The following SSBP3 variants were observed in gnomAD, a reference collection of about 807,000 sequenced individuals.
SSBP3 encodes single stranded DNA binding protein 3, also known as single-stranded DNA-binding protein 3.
Under a neutral mutation model 69.6 loss-of-function variants are expected in SSBP3, and 5 were observed. That is an observed-to-expected ratio of 0.07 (90% CI 0.04 to 0.15). The LOEUF is 0.15. Among genes scored for constraint, SSBP3 ranks in the 10% least tolerant of loss-of-function variants. The pLI, the probability that SSBP3 is intolerant of heterozygous loss-of-function variation, is 1.00. For synonymous variants in SSBP3, 196 were observed against 193.4 expected (o/e 1.01, Z -0.11); for missense variants, 312 against 534.0 (o/e 0.58, Z 4.10).
chr1:54,411,424 G>A (rs1349597484), intron 1 of SSBP3, among the ~76,000 whole-genome samples: 1 of 151,108 alleles, frequency 6.6e-6, no homozygotes, highest in African/African-American at 2.4e-5. Flanking sequence ...GTTGCAGTGA[G>A]CCGAGCTCGC....
intron 4 of SSBP3, among the ~76,000 whole-genome samples, chr1:54,317,864 C>A (rs1646142151): frequency 6.6e-6 from 1 of 152,140 alleles, no homozygotes; most frequent in South Asian, 2.1e-4. Context: ...CTCCTGGGTT[C>A]GAGTGATTCT....
chr1:54,252,508 A>C (rs2100716470), intron 7 of SSBP3, among the ~76,000 whole-genome samples: 1 of 151,564 alleles, frequency 6.6e-6, no homozygotes, highest in East Asian at 1.9e-4. Flanking sequence ...AATGCCACCC[A>C]GCCCCGGGGC....
rs537990265 is a variant in SSBP3 at position 54,370,216 on chromosome 1, A to G, written c.276+31645T>C. Among the ~76,000 whole-genome samples the G allele has an allele frequency of 4.5e-4, 68 of 152,246 alleles. No homozygotes were observed. The South Asian group carries it at 0.012, about 26-fold the overall frequency. ...CTGTCAAGCAGGTACAGGGCTTCCA[A>G]ATGGAATTCATTTACCGTCTGCATC... On this transcript the variant is annotated intron_variant, in intron 4 of 17. Coordinates refer to ENST00000610401, the Ensembl canonical transcript of SSBP3.
At chr1:54,326,422 T>C (rs545522190) in intron 4 of SSBP3, 27 of 152,502 alleles carry the variant, frequency 1.8e-4, no homozygotes, top group African/African-American at 6.3e-4. Flanking sequence ...TGGTTTGGTA[T>C]CTCCTCCAAC....
chr1:54,331,957 G>GCTCC (rs1190623588), intron 4 of SSBP3, among the ~76,000 whole-genome samples: 1 of 152,186 alleles, frequency 6.6e-6, no homozygotes, highest in East Asian at 1.9e-4. Context: ...TGTGGCTCTT[G>GCTCC]CTCCCTTTCA....
chr1:54,409,701 C>T (rs1054445507), upstream of SSBP3, among the ~76,000 whole-genome samples: 5 of 152,220 alleles, frequency 3.3e-5, no homozygotes, highest in Admixed American at 3.3e-4. Context: ...TCCACCCTGA[C>T]TCATATTCTC....
chr1:54,331,663 G>A lies in SSBP3; in HGVS notation c.277-50136C>T, dbSNP rs190363616. The stretch of plus-strand genomic sequence containing the variant: ...CTGCCCTGCAACACGCTGGTCAGCT[G>A]GAGAAGCCTGCTGCTCACACACTCA... On this transcript the variant is annotated intron_variant, in intron 4 of 17. Coordinates refer to ENST00000610401, the Ensembl canonical transcript of SSBP3. Among the ~76,000 whole-genome samples, 17 of 152,314 alleles carry A rather than the reference G, an allele frequency of 1.1e-4. No individual in the cohort carries two copies. In the East Asian group the frequency reaches 3.3e-3, roughly 29 times the overall value.
chr1:54,228,300 G>A (rs151171870), exon 17 of SSBP3: 7 of 1,613,972 alleles, frequency 4.3e-6, no homozygotes, highest in East Asian at 2.2e-5. Context: ...CTAGCTCGCC[G>A]TCATCTCGAG....
chr1:54,376,747 A>G (rs951953758), intron 4 of SSBP3, among the ~76,000 whole-genome samples: 1 of 152,228 alleles, frequency 6.6e-6, no homozygotes, highest in Non-Finnish European at 1.5e-5. Flanking sequence ...AAAGGTAGAT[A>G]TTCAAAGCAG....
At chr1:54,351,633 A>G (rs1020615483) in intron 4 of SSBP3, among the ~76,000 whole-genome samples, 1 of 152,240 alleles carries the variant, frequency 6.6e-6, no homozygotes, top group Non-Finnish European at 1.5e-5. Context: ...ATCTTCCTTC[A>G]TCTTTTCATG....
At chr1:54,264,064 G>A (rs1014865710) in intron 5 of SSBP3, among the ~76,000 whole-genome samples, 30 of 152,204 alleles carry the variant, frequency 2.0e-4, no homozygotes, top group African/African-American at 6.8e-4. Context: ...ATTTTGGGAG[G>A]CCGAGGCAGG....
intron 9 of SSBP3, among the ~76,000 whole-genome samples, chr1:54,247,210 C>T (rs760141622): frequency 1.3e-5 from 2 of 152,258 alleles, no homozygotes; most frequent in Non-Finnish European, 2.9e-5. Flanking sequence ...TTCTAGGTGC[C>T]CACTGTTTAA....
intron 4 of SSBP3, among the ~76,000 whole-genome samples, chr1:54,285,911 G>A (rs1032629965): frequency 1.3e-5 from 2 of 152,138 alleles, no homozygotes; most frequent in Non-Finnish European, 2.9e-5. Context: ...CTCGTTCTGG[G>A]ACTCAGTTTC....
At chr1:54,314,552 A>G (rs755583076) in intron 4 of SSBP3, among the ~76,000 whole-genome samples, 2 of 152,232 alleles carry the variant, frequency 1.3e-5, no homozygotes, top group Non-Finnish European at 2.9e-5. Context: ...TTTTCTTTAA[A>G]AAGATTTGTG....
At chr1:54,287,762 A>C (rs901537558) in intron 4 of SSBP3, among the ~76,000 whole-genome samples, 13 of 152,302 alleles carry the variant, frequency 8.5e-5, no homozygotes, top group East Asian at 3.9e-4. Flanking sequence ...TGGAAAGGCC[A>C]AGACAGACAG....
chr1:54,243,292 C>G (rs780651238), exon 10 of SSBP3: 2 of 1,613,988 alleles, frequency 1.2e-6, no homozygotes, highest in South Asian at 2.2e-5. Flanking sequence ...CATGCCGCTG[C>G]CGTAATTCTG....
intron 7 of SSBP3, among the ~76,000 whole-genome samples, chr1:54,254,820 T>C (rs1204732232): frequency 6.6e-6 from 1 of 152,126 alleles, no homozygotes; most frequent in Non-Finnish European, 1.5e-5. Context: ...AGTGTGGATT[T>C]CTTTTTTTAT....
At chr1:54,294,127 A>AGT (rs1168728437) in intron 4 of SSBP3, among the ~76,000 whole-genome samples, 2 of 122,346 alleles carry the variant, frequency 1.6e-5, no homozygotes, top group Admixed American at 2.0e-4. Flanking sequence ...GGGGTGACAG[A>AGT]GTGAGACTCC....
intron 4 of SSBP3, among the ~76,000 whole-genome samples, chr1:54,302,714 C>T (rs1159186599): frequency 6.6e-6 from 1 of 152,224 alleles, no homozygotes; most frequent in Non-Finnish European, 1.5e-5. Context: ...ACTTCGAGAA[C>T]ACTGACGTGA....
Sources: gnomAD v4.1 joint callset for allele counts (sites outside exome capture counted in the v4.1 genomes callset) on GRCh38, gnomAD v4.1.1 for gene constraint, MANE v1.5 for transcripts, NCBI Gene and HGNC (gene_info 2026-07-23, HGNC 2026-07-21) for gene names.